PLCE1: variants seen among roughly 807,000 people sequenced by gnomAD.
PLCE1 encodes the protein phospholipase C epsilon 1.
Under a neutral mutation model 242.8 loss-of-function variants are expected in PLCE1, and 119 were observed. The observed-to-expected ratio is 0.49, with a 90% CI of 0.42 to 0.57. The LOEUF (loss-of-function observed/expected upper bound fraction) is 0.57. Among genes scored for constraint, PLCE1 ranks in the 20% least tolerant of loss-of-function variants. The pLI, the probability that PLCE1 is intolerant of heterozygous loss-of-function variation, is 0.00. For missense variants in PLCE1, 2,441 were observed against 2,788.8 expected (o/e 0.88, Z 2.81); for synonymous variants, 945 against 1,017.4 (o/e 0.93, Z 1.35).
intron 1 of PLCE1, among the ~76,000 whole-genome samples, chr10:94,029,050 T>G (rs2134463305): frequency 6.6e-6 from 1 of 152,238 alleles, no homozygotes; most frequent in Non-Finnish European, 1.5e-5. Flanking sequence ...GCAGTGATTG[T>G]GCCATTGCAC....
intron 2 of PLCE1, among the ~76,000 whole-genome samples, chr10:94,121,719 C>T (rs2046306751): frequency 6.6e-6 from 1 of 152,194 alleles, no homozygotes; most frequent in South Asian, 2.1e-4. Context: ...TCTTTCCACT[C>T]TACCCTAAGG....
intron 3 of PLCE1, among the ~76,000 whole-genome samples, chr10:94,144,401 C>T (rs2047056425): frequency 6.6e-6 from 1 of 152,028 alleles, no homozygotes; most frequent in Admixed American, 6.6e-5. Flanking sequence ...GATCATTTTC[C>T]CACATACCTG....
chr10:94,199,057 CA>C lies in PLCE1; in HGVS notation c.1809+27563del, dbSNP rs531305294. Among the ~76,000 whole-genome samples the C allele has an allele frequency of 5.9e-5, 9 of 152,042 alleles. No individual in the cohort carries two copies. In the South Asian group the frequency reaches 1.9e-3, roughly 32 times the overall value. Reference sequence around the variant, plus strand: ...ACAGTGAGACCCTGTCTCAAAAAAACAAGAAAAAAGAAATCCCTCAGTGTTA... The same window carrying C: ...ACAGTGAGACCCTGTCTCAAAAAAACAGAAAAAAGAAATCCCTCAGTGTTA... On this transcript the variant is annotated intron_variant, in intron 4 of 32. Coordinates refer to ENST00000371380, the MANE Select transcript of PLCE1 (RefSeq NM_016341.4).
intron 2 of PLCE1, among the ~76,000 whole-genome samples, chr10:94,036,883 G>A (rs1021734050): frequency 2.0e-5 from 3 of 152,068 alleles, no homozygotes; most frequent in Non-Finnish European, 4.4e-5. Context: ...AATTCCACTG[G>A]CTCCTGTATT....
intron 4 of PLCE1, among the ~76,000 whole-genome samples, chr10:94,209,342 C>T (rs1435301373): frequency 6.6e-6 from 1 of 152,080 alleles, no homozygotes; most frequent in African/African-American, 2.4e-5. Context: ...TTGATGAAAA[C>T]ATTTAAGTTT....
At chr10:94,159,978 A>G (rs1298590675) in intron 3 of PLCE1, among the ~76,000 whole-genome samples, 1 of 152,214 alleles carries the variant, frequency 6.6e-6, no homozygotes, top group Non-Finnish European at 1.5e-5. Context: ...ATAGTATTCC[A>G]TGGTGTATAT....
intron 1 of PLCE1, among the ~76,000 whole-genome samples, chr10:93,999,296 A>G (rs934799622): frequency 5.9e-5 from 9 of 152,204 alleles, no homozygotes; most frequent in Non-Finnish European, 8.8e-5. Context: ...TGAGGTAGGT[A>G]CTTTTATTAT....
chr10:94,054,694 C>G (rs894133180), intron 2 of PLCE1, among the ~76,000 whole-genome samples: 3 of 152,158 alleles, frequency 2.0e-5, no homozygotes, highest in African/African-American at 7.2e-5. Context: ...AAAGTAATCA[C>G]CCAAATTACT....
At chr10:94,027,591 G>A (rs1048351784) in intron 1 of PLCE1, among the ~76,000 whole-genome samples, 4 of 152,184 alleles carry the variant, frequency 2.6e-5, no homozygotes, top group Non-Finnish European at 5.9e-5. Flanking sequence ...GGAAGCCAAG[G>A]TGGGCGGATC....
intron 2 of PLCE1, among the ~76,000 whole-genome samples, chr10:94,113,303 G>T (rs1424603412): frequency 1.3e-5 from 2 of 150,606 alleles, no homozygotes; most frequent in African/African-American, 4.9e-5. Flanking sequence ...GGTTCCTTTT[G>T]GCATGAGGAC....
chr10:93,995,591 G>A (rs2060805194), intron 1 of PLCE1, among the ~76,000 whole-genome samples: 2 of 152,178 alleles, frequency 1.3e-5, no homozygotes, highest in African/African-American at 4.8e-5. Context: ...TTAAGACTTT[G>A]GTTTTACAAC....
chr10:94,221,949 C>G (rs958354250), intron 4 of PLCE1, among the ~76,000 whole-genome samples: 3 of 152,142 alleles, frequency 2.0e-5, no homozygotes, highest in African/African-American at 7.2e-5. Flanking sequence ...CTGGGAACAG[C>G]ACTGGGAAGT....
In PLCE1 at chr10:94,306,206, G is replaced by A. The variant is rs557756579; in HGVS notation, c.5623-221G>A. 1.3e-5 allele frequency among the ~76,000 whole-genome samples: 2 copies of A among 152,034 alleles called. No homozygotes were observed. The highest frequency in any genetic ancestry group is 2.1e-4 in the South Asian group (1 of 4,818). Reference sequence around the variant, plus strand: ...AGGATGGTCTCAATCTCCTGACCTCGTGATCTGCTCACCTCAGCCTCCCAA... The same window carrying A: ...AGGATGGTCTCAATCTCCTGACCTCATGATCTGCTCACCTCAGCCTCCCAA... On this transcript the variant is annotated intron_variant, in intron 25 of 32. Coordinates refer to ENST00000371380, the MANE Select transcript of PLCE1 (RefSeq NM_016341.4). This position sits in a 1 kb window ranked among gnomAD's most constrained non-coding sequence, Gnocchi z 5.7.
intron 4 of PLCE1, among the ~76,000 whole-genome samples, chr10:94,172,105 G>T (rs1032895569): frequency 2.6e-5 from 4 of 152,184 alleles, no homozygotes; most frequent in Admixed American, 2.0e-4. Context: ...TGTGACTGGA[G>T]TCTGGGAATA....
In PLCE1 at chr10:94,171,411, T is replaced by G. The variant is rs1225640410; in HGVS notation, c.1724T>G (p.Leu575Arg). The G allele has an allele frequency of 6.2e-7, 1 of 1,614,068 alleles. No individual in the cohort carries two copies. The highest frequency in any genetic ancestry group is 8.5e-7 in the Non-Finnish European group (1 of 1,180,016). The change falls in exon 4 of 33, where the codon CTC becomes CGC. Residue 575 changes from leucine to arginine, a missense_variant. Leu to Arg is a moderately radical substitution (Grantham distance 102). Around this residue, in one of 5 missense-constraint regions of PLCE1, gnomAD observed 733 missense variants for 754.2 expected, o/e 0.97. Transcript: ENST00000371380. Reference sequence around the variant, plus strand: ...GAATGCCAGAGCTCCTTGCCCTGCCTCAAAGCATCCATCTCAGCGTCGATT... The same window carrying G: ...GAATGCCAGAGCTCCTTGCCCTGCCGCAAAGCATCCATCTCAGCGTCGATT... ...TPECQSSLPCLKASISASILT... is the reference protein window; with the variant it reads ...TPECQSSLPCRKASISASILT...
At chr10:94,044,029 G>A (rs2061829419) in intron 2 of PLCE1, among the ~76,000 whole-genome samples, 1 of 152,202 alleles carries the variant, frequency 6.6e-6, no homozygotes, top group African/African-American at 2.4e-5. Flanking sequence ...CTAATTGGTT[G>A]CTAGAAAAGT....
chr10:94,029,894 T>A (rs2061523868), intron 1 of PLCE1, among the ~76,000 whole-genome samples: 1 of 152,180 alleles, frequency 6.6e-6, no homozygotes, highest in African/African-American at 2.4e-5. Flanking sequence ...ATGGGCACCT[T>A]CTAGTCCTAT....
chr10:94,061,550 T>G (rs1434862913), intron 2 of PLCE1, among the ~76,000 whole-genome samples: 3 of 152,098 alleles, frequency 2.0e-5, no homozygotes, highest in Non-Finnish European at 4.4e-5. Flanking sequence ...ACTTACATGA[T>G]CAAGAAGATA....
chr10:94,136,483 T>C (rs1173692757), intron 3 of PLCE1, among the ~76,000 whole-genome samples: 1 of 152,156 alleles, frequency 6.6e-6, no homozygotes, highest in African/African-American at 2.4e-5. Context: ...TCTATTAGGA[T>C]GTAAGAAAGA....
Sources: gnomAD v4.1 joint callset for allele counts (sites outside exome capture counted in the v4.1 genomes callset) on GRCh38, gnomAD v4.1.1 for gene constraint, gnomAD v4.1.1 regional missense constraint, Gnocchi (gnomAD v3.1) non-coding constraint, MANE v1.5 for transcripts, NCBI Gene and HGNC (gene_info 2026-07-23, HGNC 2026-07-21) for gene names.